The following AOPEP variants were observed in gnomAD, a reference collection of about 807,000 sequenced individuals.
The protein encoded by AOPEP is aminopeptidase O (putative).
A neutral mutation model predicts 98.1 loss-of-function variants in AOPEP; 77 were observed. The observed-to-expected ratio is 0.78, with a 90% confidence interval of 0.65 to 0.95. AOPEP has a LOEUF of 0.95. AOPEP is among the 40% of genes least tolerant of loss of function. AOPEP has a pLI of 0.00. For synonymous variants in AOPEP, 346 were observed against 365.3 expected (o/e 0.95, Z 0.60); for missense variants, 1,024 against 1,024.7 (o/e 1.00, Z 0.01).
chr9:94,768,800 T>A (rs545632335), intron 2 of AOPEP, among the ~76,000 whole-genome samples: 17 of 152,338 alleles, frequency 1.1e-4, no homozygotes, highest in African/African-American at 4.1e-4. Flanking sequence ...AGATGAACCC[T>A]GGTGAGAGAG....
chr9:94,818,620 A>G (rs1357116934), intron 5 of AOPEP, among the ~76,000 whole-genome samples: 1 of 152,220 alleles, frequency 6.6e-6, no homozygotes, highest in Non-Finnish European at 1.5e-5. Context: ...AAAGAAGGGT[A>G]AAGAAGGCAG....
chr9:94,971,589 C>G (rs1478965393), intron 10 of AOPEP, among the ~76,000 whole-genome samples: 1 of 152,154 alleles, frequency 6.6e-6, no homozygotes. Context: ...CTGTTAGGCA[C>G]GTGAACTGTT....
chr9:95,149,164 TAAC>T, the AOPEP span, among the ~76,000 whole-genome samples: 1 of 152,152 alleles, frequency 6.6e-6, no homozygotes, highest in African/African-American at 2.4e-5. Context: ...ATTTTTTAAG[TAAC>T]AAACACATTT....
At chr9:95,111,780 A>G in the AOPEP span, 3 of 979,156 alleles carry the variant, frequency 3.1e-6, no homozygotes, top group East Asian at 7.7e-5. Flanking sequence ...TACAATTTAG[A>G]TTCAGAAAGC....
At chr9:95,029,169 A>G (rs2064090135) in intron 13 of AOPEP, among the ~76,000 whole-genome samples, 1 of 152,128 alleles carries the variant, frequency 6.6e-6, no homozygotes. Flanking sequence ...ATCTCCTGTC[A>G]CCGTGCACTC....
chr9:94,800,073 G>A (rs947714333), intron 4 of AOPEP, among the ~76,000 whole-genome samples: 2 of 152,134 alleles, frequency 1.3e-5, no homozygotes, highest in African/African-American at 4.8e-5. Context: ...GAAGCAGGCT[G>A]GGGTCTGATC....
chr9:94,907,721 C>T (rs1447698710), intron 5 of AOPEP, among the ~76,000 whole-genome samples: 2 of 152,162 alleles, frequency 1.3e-5, no homozygotes, highest in African/African-American at 2.4e-5. Context: ...GCAGCAACCC[C>T]TCTTCAGACT....
At chr9:95,078,323 T>C (rs1190919164) in intron 14 of AOPEP, among the ~76,000 whole-genome samples, 1 of 152,080 alleles carries the variant, frequency 6.6e-6, no homozygotes, top group East Asian at 1.9e-4. Context: ...GTTGTTTCTG[T>C]GTGTGTAAAT....
At chr9:94,877,605 G>A (rs1374412016) in intron 5 of AOPEP, among the ~76,000 whole-genome samples, 1 of 151,996 alleles carries the variant, frequency 6.6e-6, no homozygotes, top group Non-Finnish European at 1.5e-5. Flanking sequence ...ATTTTTAGTA[G>A]AGACAGGGTT....
intron 7 of AOPEP, among the ~76,000 whole-genome samples, chr9:94,948,666 T>C (rs2057869623): frequency 6.6e-6 from 1 of 152,168 alleles, no homozygotes; most frequent in Non-Finnish European, 1.5e-5. Context: ...GAATGGGAAC[T>C]CCTTTAAAGG....
At chr9:94,844,482 A>G (rs2042622928) in intron 5 of AOPEP, among the ~76,000 whole-genome samples, 2 of 152,276 alleles carry the variant, frequency 1.3e-5, no homozygotes, top group Non-Finnish European at 2.9e-5. Flanking sequence ...AGCATTTGTC[A>G]TTTCTTTGTG....
intron 11 of AOPEP, among the ~76,000 whole-genome samples, chr9:94,995,228 A>C (rs2061148186): frequency 6.6e-6 from 1 of 152,188 alleles, no homozygotes. Flanking sequence ...TGACGTCACA[A>C]CTCAGTTATT....
At chr9:94,818,207 G>C (rs1852133225) in intron 5 of AOPEP, among the ~76,000 whole-genome samples, 1 of 152,218 alleles carries the variant, frequency 6.6e-6, no homozygotes, top group Admixed American at 6.5e-5. Flanking sequence ...ATAAGATTAT[G>C]TGTAGATGCC....
chr9:94,776,061 A>G (rs1842026081), intron 3 of AOPEP, among the ~76,000 whole-genome samples: 1 of 152,066 alleles, frequency 6.6e-6, no homozygotes, highest in African/African-American at 2.4e-5. Flanking sequence ...ATAGAAGAAC[A>G]AAGGACAAAG....
At chr9:95,115,401 C>T in the AOPEP span, among the ~76,000 whole-genome samples, 1 of 152,142 alleles carries the variant, frequency 6.6e-6, no homozygotes, top group South Asian at 2.1e-4. Flanking sequence ...TAGACGGAGA[C>T]TGTAGTAAAG....
chr9:94,964,635 C>CT (rs1240777817), intron 9 of AOPEP, among the ~76,000 whole-genome samples: 1,270 of 122,564 alleles, frequency 0.01, 6 homozygotes, highest in Non-Finnish European at 0.014. Context: ...AGTACTTGGA[C>CT]TTTTTTTTTT....
intron 7 of AOPEP, among the ~76,000 whole-genome samples, chr9:94,946,477 T>C (rs931773950): frequency 1.3e-5 from 2 of 152,180 alleles, no homozygotes; most frequent in African/African-American, 2.4e-5. Flanking sequence ...AGCTTCTACC[T>C]GAGCAGTTCC....
chr9:94,759,899 T>C lies in AOPEP; in HGVS notation c.116T>C (p.Ile39Thr), dbSNP rs1208586120. The C allele has an allele frequency of 6.2e-7, 1 of 1,614,142 alleles. No homozygotes were observed. Among genetic ancestry groups the C allele is most frequent in the Non-Finnish European group, 8.5e-7 (1 of 1,180,030 alleles). Residue 39 changes from isoleucine (I) to threonine (T), a missense_variant, in exon 2 of 17, where the codon ATT (isoleucine) becomes ACT (threonine). By Grantham distance (89) the Ile-to-Thr change is moderately conservative. This residue lies in a region of AOPEP where 440 missense variants were observed against 433.8 expected (regional missense o/e 1.01). Coordinates refer to ENST00000375315, the MANE Select transcript of AOPEP (RefSeq NM_001193329.3). The part of the protein sequence containing the change: ...DLDVDFESQV[I>T]EGTIVLFLED... ...GATGTGGATTTTGAAAGTCAAGTCA[T>C]TGAGGGGACCATAGTGCTTTTCCTC...
downstream of AOPEP, among the ~76,000 whole-genome samples, chr9:95,088,646 A>T (rs920921181): frequency 1.3e-5 from 2 of 152,210 alleles, no homozygotes; most frequent in Non-Finnish European, 2.9e-5. Context: ...TGGCACCTGG[A>T]GCTCTCAAGA....
Sources: gnomAD v4.1 joint callset for allele counts (sites outside exome capture counted in the v4.1 genomes callset) on GRCh38, gnomAD v4.1.1 for gene constraint, gnomAD v4.1.1 regional missense constraint, MANE v1.5 for transcripts, NCBI Gene and HGNC (gene_info 2026-07-23, HGNC 2026-07-21) for gene names.